Variants in CSNK1E observed in about 807,000 individuals in gnomAD.
The protein encoded by CSNK1E is casein kinase 1 epsilon, also known as casein kinase I isoform epsilon.
Under a neutral mutation model 46.1 loss-of-function variants are expected in CSNK1E, and 17 were observed. That is an observed-to-expected ratio of 0.37 (90% CI 0.25 to 0.55). The LOEUF (loss-of-function observed/expected upper bound fraction) is 0.55. Ranked by LOEUF, CSNK1E falls within the 20% of genes least tolerant of loss-of-function variation. CSNK1E has a pLI of 0.82. For synonymous variants in CSNK1E, 241 were observed against 242.6 expected, an observed-to-expected ratio of 0.99 and a Z score of 0.06; for missense variants, 386 against 595.4, an observed-to-expected ratio of 0.65 and a Z score of 3.66.
chr22:38,311,192 C>T (rs987077183), intron 2 of CSNK1E, among the ~76,000 whole-genome samples: 9 of 152,170 alleles, frequency 5.9e-5, no homozygotes, highest in East Asian at 5.8e-4. Context: ...TTTTACACGC[C>T]ACGACCTCAT....
intron 2 of CSNK1E, among the ~76,000 whole-genome samples, chr22:38,305,026 G>A (rs1602554149): frequency 6.6e-6 from 1 of 151,286 alleles, no homozygotes; most frequent in East Asian, 1.9e-4. Flanking sequence ...GGAGGCTGAG[G>A]CAGGAGAATC....
In CSNK1E at chr22:38,298,094, C is replaced by CAGTACGTGGGTG; in HGVS notation, c.885+680_885+691dup. 2 of 1,217,938 alleles carry CAGTACGTGGGTG rather than the reference C, an allele frequency of 1.6e-6. No homozygotes were observed. The highest frequency in any genetic ancestry group is 1.4e-5 in the South Asian group (1 of 69,254). The allele number at this position is 1,217,938 out of a possible 1,614,324, so 75.4% of individuals were successfully genotyped here. ...AAGCCAGACCTCAGAGGATCCTTAC[C>CAGTACGTGGGTG]AGTACGTGGGTGAGTACGTGGGCCC... is the stretch of plus-strand genomic sequence containing the variant. On this transcript the variant is annotated intron_variant, in intron 7 of 10. Transcript: ENST00000396832. The surrounding 1 kb of genome is among the most constrained non-coding windows in gnomAD (Gnocchi z 4.2).
intron 2 of CSNK1E, among the ~76,000 whole-genome samples, chr22:38,311,111 G>A (rs1310322200): frequency 3.9e-5 from 6 of 152,098 alleles, no homozygotes; most frequent in Admixed American, 2.0e-4. Context: ...AATCAACTCC[G>A]AACTAGAAAC....
rs917625746 is a variant in CSNK1E, at chr22:38,300,386, C to G, written c.566-321G>C. On this transcript the variant is annotated intron_variant, in intron 5 of 10. Transcript: ENST00000396832. This position sits in a 1 kb window ranked among gnomAD's most constrained non-coding sequence, Gnocchi z 4.4. The stretch of plus-strand genomic sequence containing the variant: ...TCACAAGCTTCAGCATCAGACAGGG[C>G]CGGGGTCAAGTCCAGCTTTGGCATT... 6.6e-6 allele frequency among the ~76,000 whole-genome samples: 1 copy of G among 152,208 alleles called. No homozygotes were observed. Among genetic ancestry groups the G allele is most frequent in the African/African-American group, 2.4e-5 (1 of 41,454 alleles).
intron 1 of CSNK1E, among the ~76,000 whole-genome samples, chr22:38,316,210 A>T (rs979843106): frequency 1.3e-5 from 2 of 152,242 alleles, no homozygotes; most frequent in African/African-American, 4.8e-5. Flanking sequence ...GCACACGGGC[A>T]GTGCTTCTTA....
At chr22:38,305,252 C>T (rs969792951) in intron 2 of CSNK1E, among the ~76,000 whole-genome samples, 5 of 151,418 alleles carry the variant, frequency 3.3e-5, no homozygotes, top group African/African-American at 4.9e-5. Context: ...AAATGTCAGA[C>T]GGTGGTTCCC....
intron 2 of CSNK1E, among the ~76,000 whole-genome samples, chr22:38,308,157 G>A (rs985344084): frequency 3.3e-5 from 5 of 152,094 alleles, no homozygotes; most frequent in African/African-American, 4.8e-5. Context: ...ATCATACAAC[G>A]TGATTTTTTG....
Position 38,303,808 on chromosome 22 carries a change from A to T in CSNK1E, c.77-560T>A, listed in dbSNP as rs1443539179. 6.6e-6 allele frequency among the ~76,000 whole-genome samples: 1 copy of T among 152,182 alleles called. No individual in the cohort carries two copies. On this transcript the variant is annotated intron_variant, in intron 2 of 10. Transcript: ENST00000396832. The surrounding 1 kb of genome is among the most constrained non-coding windows in gnomAD (Gnocchi z 4.7). The stretch of plus-strand genomic sequence containing the variant: ...GATTCTCAACCCCCTTGTAGAGATG[A>T]GAAAACAGAGACCCAGCTAGAGACC...
chr22:38,297,663 G>A (rs1351799786), intron 7 of CSNK1E: 29 of 993,962 alleles, frequency 2.9e-5, no homozygotes, highest in Middle Eastern at 1.0e-3. Context: ...ACGGGGTCTA[G>A]CTATGAGTCT....
chr22:38,294,009 G>A lies in CSNK1E; in HGVS notation c.1218+100C>T, dbSNP rs1213335601. On this transcript the variant is annotated intron_variant, in intron 9 of 10. Transcript: ENST00000396832. This position sits in a 1 kb window ranked among gnomAD's most constrained non-coding sequence, Gnocchi z 5.5. ...AGGGGTTCACTCCAAGGCAAGCAGCGTCGATGGAAAGGGAAGAACAGAGCC... is the reference window on the plus strand; with the variant it reads ...AGGGGTTCACTCCAAGGCAAGCAGCATCGATGGAAAGGGAAGAACAGAGCC... The A allele has an allele frequency of 7.2e-6, 10 of 1,388,090 alleles. No individual in the cohort carries two copies. The highest frequency in any genetic ancestry group is 9.7e-6 in the Non-Finnish European group (10 of 1,026,072). 86.0% of individuals were successfully genotyped at this position (1,388,090 alleles called of 1,614,324 possible). A position where few individuals can be genotyped will look rare whatever the true frequency, so the allele number is the denominator to read the frequency against.
In CSNK1E at chr22:38,303,112, C is replaced by A. The variant is rs1019371745; in HGVS notation, c.187+26G>T. 3.1e-6 allele frequency: 5 copies of A among 1,598,104 alleles called. No homozygotes were observed. The African/African-American group carries it at 4.0e-5, about 13-fold the overall frequency. On this transcript the variant is annotated intron_variant, in intron 3 of 10. Transcript: ENST00000396832. The surrounding 1 kb of genome is among the most constrained non-coding windows in gnomAD (Gnocchi z 4.7). ...GCTGCCCACCGCCACCCACCCGGCGCCCGCCGCCGCCCACCCTGCGCTCAC... is the reference window on the plus strand; with the variant it reads ...GCTGCCCACCGCCACCCACCCGGCGACCGCCGCCGCCCACCCTGCGCTCAC...
intron 2 of CSNK1E, among the ~76,000 whole-genome samples, chr22:38,310,922 C>A (rs2092718129): frequency 6.6e-6 from 1 of 152,172 alleles, no homozygotes; most frequent in African/African-American, 2.4e-5. Context: ...GCAAGGCTGG[C>A]CGGGGACGCC....
At chr22:38,306,533 C>G (rs980369205) in intron 2 of CSNK1E, among the ~76,000 whole-genome samples, 1 of 152,148 alleles carries the variant, frequency 6.6e-6, no homozygotes, top group African/African-American at 2.4e-5. Flanking sequence ...GAGATCAAGA[C>G]CATCCTGGCC....
rs1602569089 is a variant in CSNK1E at position 38,317,314 on chromosome 22, G to A, written c.-167C>T. On this transcript the variant is annotated 5_prime_UTR_variant, in exon 1 of 11. Coordinates refer to ENST00000396832, the MANE Select transcript of CSNK1E (RefSeq NM_152221.3). ...GCCGCCGCCGCCGCCGCCGCGCTCC[G>A]CTCGGCCCCGGCCGGGCTCTGGCTC... The A allele has an allele frequency of 2.1e-5, 3 of 142,284 alleles. No individual in the cohort carries two copies. Among genetic ancestry groups the A allele is most frequent in the Non-Finnish European group, 4.5e-5 (3 of 66,946 alleles). 8.8% of individuals were successfully genotyped at this position (142,284 alleles called of 1,614,324 possible). A position where few individuals can be genotyped will look rare whatever the true frequency, so the allele number is the denominator to read the frequency against.
chr22:38,313,972 A>G (rs2092732404), intron 2 of CSNK1E, 110 bp downstream of exon 2: 1 of 1,014,400 alleles, frequency 9.9e-7, no homozygotes, highest in East Asian at 2.4e-5. Flanking sequence ...GGGGCAAATC[A>G]TGCCCCTGGA....
rs1225895690 is a variant in CSNK1E at position 38,294,446 on chromosome 22, G to C, written c.974C>G (p.Thr325Ser). The C allele has an allele frequency of 1.9e-6, 3 of 1,573,346 alleles. No individual in the cohort carries two copies. Among genetic ancestry groups the C allele is most frequent in the Non-Finnish European group, 2.6e-6 (3 of 1,161,862 alleles). Reference sequence around the variant, plus strand: ...GGGTGGGCCAGGGGGCAGGGCTCGGGTCGCGGACCCCCGTAGCTGCCCCAT... The same window carrying C: ...GGGTGGGCCAGGGGGCAGGGCTCGGCTCGCGGACCCCCGTAGCTGCCCCAT... Reference protein sequence around the residue: ...ERMGQLRGSATRALPPGPPTG... With the variant: ...ERMGQLRGSASRALPPGPPTG... The change falls in exon 8 of 11, where the codon ACC becomes AGC. Residue 325 changes from threonine to serine, a missense_variant. Physicochemically the swap from Thr to Ser is moderately conservative, Grantham distance 58. Coordinates refer to ENST00000396832, the MANE Select transcript of CSNK1E (RefSeq NM_152221.3). This position sits in a 1 kb window ranked among gnomAD's most constrained non-coding sequence, Gnocchi z 5.5.
At position 38,298,247 on chromosome 22, in the gene CSNK1E, T is replaced by G; in HGVS notation, c.885+539A>C. 2 of 1,290,778 alleles carry G rather than the reference T, an allele frequency of 1.5e-6. No homozygotes were observed. The highest frequency in any genetic ancestry group is 2.5e-5 in the South Asian group (2 of 80,760). 80.0% of individuals were successfully genotyped at this position (1,290,778 alleles called of 1,614,324 possible). On this transcript the variant is annotated intron_variant, in intron 7 of 10. Coordinates refer to ENST00000396832, the MANE Select transcript of CSNK1E (RefSeq NM_152221.3). The surrounding 1 kb of genome is among the most constrained non-coding windows in gnomAD (Gnocchi z 4.2). ...GAAACAAGACATACAATTTCACAGA[T>G]TCCAGAGCTCTGGGTACGGCCGGCC...
chr22:38,315,023 G>A (rs2092737848), intron 1 of CSNK1E, among the ~76,000 whole-genome samples: 1 of 152,212 alleles, frequency 6.6e-6, no homozygotes, highest in Admixed American at 6.5e-5. Context: ...GTAAACAGGG[G>A]GAGGGGTGTT....
intron 9 of CSNK1E, chr22:38,293,856 G>A (rs1323807760): frequency 2.7e-5 from 14 of 527,974 alleles, no homozygotes; most frequent in Admixed American, 6.5e-5. Context: ...CCCTGGCAGC[G>A]AGGACTGGAG....
Sources: allele counts gnomAD v4.1 joint callset (sites outside exome capture counted in the v4.1 genomes callset), GRCh38; gene constraint gnomAD v4.1.1; non-coding constraint Gnocchi (gnomAD v3.1); transcripts MANE v1.5; gene names NCBI Gene and HGNC (gene_info 2026-07-23, HGNC 2026-07-21).